IL1RAP: variants seen among roughly 807,000 people sequenced by gnomAD.
The protein encoded by IL1RAP is interleukin 1 receptor accessory protein.
IL1RAP carries 35 observed loss-of-function variants against 60.7 expected under a neutral mutation model. That is an observed-to-expected ratio of 0.58 (90% CI 0.44 to 0.76). The LOEUF is 0.76. Ranked by LOEUF, IL1RAP falls within the 30% of genes least tolerant of loss-of-function variation. IL1RAP has a pLI of 0.00. For synonymous variants in IL1RAP, 268 were observed against 250.9 expected, an observed-to-expected ratio of 1.07 and a Z score of -0.64; for missense variants, 572 against 693.9, an observed-to-expected ratio of 0.82 and a Z score of 1.97.
At chr3:190,571,775 C>A (rs950322136) in intron 3 of IL1RAP, among the ~76,000 whole-genome samples, 1 of 152,150 alleles carries the variant, frequency 6.6e-6, no homozygotes, top group East Asian at 1.9e-4. Context: ...ACATGAAGCC[C>A]AAAACGGCCT....
At chr3:190,632,437 G>C (rs1483704609) in intron 9 of IL1RAP, among the ~76,000 whole-genome samples, 1 of 152,078 alleles carries the variant, frequency 6.6e-6, no homozygotes, top group Non-Finnish European at 1.5e-5. Context: ...GCTCATTTTT[G>C]TTACTGGTCA....
At chr3:190,572,861 T>TAATCAGGATAC (rs1560179410) in intron 3 of IL1RAP, among the ~76,000 whole-genome samples, 8 of 35,610 alleles carry the variant, frequency 2.2e-4, no homozygotes, top group South Asian at 9.3e-4. Flanking sequence ...AATGCTTTGT[T>TAATCAGGATAC]TTTTTTTTTT....
At chr3:190,544,002 A>G (rs1296442115) in intron 1 of IL1RAP, among the ~76,000 whole-genome samples, 1 of 152,196 alleles carries the variant, frequency 6.6e-6, no homozygotes, top group Non-Finnish European at 1.5e-5. Flanking sequence ...AGGAGATTTC[A>G]GGCTGTTTTT....
At chr3:190,656,183 G>A (rs1214276719), downstream of IL1RAP, 1 of 1,537,294 alleles carries the variant, frequency 6.5e-7, no homozygotes, top group South Asian at 1.2e-5. Flanking sequence ...CTTCCCCTGA[G>A]AAGTCTGAGT....
downstream of IL1RAP, chr3:190,656,251 G>T (rs553780114): frequency 6.5e-6 from 10 of 1,537,202 alleles, no homozygotes; most frequent in African/African-American, 1.1e-4. Context: ...TCTGGATCAC[G>T]TTCAAAGGAG....
In IL1RAP at chr3:190,560,261, G is replaced by A. The variant is rs569346030; in HGVS notation, c.-1-4028G>A. Among the ~76,000 whole-genome samples the A allele has an allele frequency of 7.9e-5, 12 of 152,346 alleles. No individual in the cohort carries two copies. In the South Asian group the frequency reaches 2.3e-3, roughly 29 times the overall value. ...TAGGGCAGGATTGGGACTCAAGGAA[G>A]TGATTTGACTACAGGGTTGACCTTT... On this transcript the variant is annotated intron_variant, in intron 2 of 11. Coordinates refer to ENST00000447382, the MANE Select transcript of IL1RAP (RefSeq NM_002182.4).
intron 9 of IL1RAP, among the ~76,000 whole-genome samples, chr3:190,637,518 C>G (rs1209288808): frequency 2.0e-5 from 3 of 152,062 alleles, no homozygotes; most frequent in Non-Finnish European, 2.9e-5. Flanking sequence ...ATCTTATTTT[C>G]TGATACATTT....
chr3:190,642,946 A>G (rs1733764615), intron 9 of IL1RAP, among the ~76,000 whole-genome samples: 1 of 152,248 alleles, frequency 6.6e-6, no homozygotes, highest in Non-Finnish European at 1.5e-5. Flanking sequence ...AAGCTAATAA[A>G]GCAACTAAAT....
At chr3:190,593,074 C>G (rs549290875) in intron 3 of IL1RAP, among the ~76,000 whole-genome samples, 2 of 152,122 alleles carry the variant, frequency 1.3e-5, no homozygotes, top group South Asian at 4.1e-4. Context: ...CCTCACCAAA[C>G]CCTTTTTTTT....
At chr3:190,595,162 C>A (rs972379802) in intron 3 of IL1RAP, among the ~76,000 whole-genome samples, 8 of 152,208 alleles carry the variant, frequency 5.3e-5, no homozygotes, top group Non-Finnish European at 1.0e-4. Flanking sequence ...AGAAGGTGAG[C>A]TCCGTGAGAC....
intron 5 of IL1RAP, among the ~76,000 whole-genome samples, chr3:190,619,195 A>AT (rs1413194522): frequency 3.9e-5 from 6 of 152,126 alleles, no homozygotes; most frequent in South Asian, 4.2e-4. Flanking sequence ...TAGTGTATTG[A>AT]TTTTTTTTCT....
downstream of IL1RAP, among the ~76,000 whole-genome samples, chr3:190,653,821 C>T (rs1734507893): frequency 6.6e-6 from 1 of 152,134 alleles, no homozygotes; most frequent in African/African-American, 2.4e-5. Context: ...AGCTCCTGTC[C>T]TCAAATATGA....
At chr3:190,639,497 G>C (rs534266819) in intron 9 of IL1RAP, among the ~76,000 whole-genome samples, 21 of 151,912 alleles carry the variant, frequency 1.4e-4, no homozygotes, top group Non-Finnish European at 2.1e-4. Context: ...TCTATTTGCT[G>C]TTCACAATGT....
intron 8 of IL1RAP, among the ~76,000 whole-genome samples, 164 bp downstream of exon 8, chr3:190,627,613 T>C (rs1200542736): frequency 6.6e-6 from 1 of 152,246 alleles, no homozygotes; most frequent in Non-Finnish European, 1.5e-5. Context: ...AAACCAGGGT[T>C]ACTGGGCTAG....
chr3:190,654,426 G>A (rs544652289), downstream of IL1RAP, among the ~76,000 whole-genome samples: 11 of 152,120 alleles, frequency 7.2e-5, no homozygotes, highest in South Asian at 2.1e-4. Flanking sequence ...GCACACACTC[G>A]TACACACAGA....
intron 6 of IL1RAP, among the ~76,000 whole-genome samples, chr3:190,622,916 G>T (rs1039966644): frequency 2.0e-5 from 3 of 152,136 alleles, no homozygotes; most frequent in African/African-American, 7.2e-5. Flanking sequence ...GGTCTTTCTG[G>T]CTACTAGCGC....
Position 190,650,566 on chromosome 3 carries a change from G to A in IL1RAP, c.*1861G>A, listed in dbSNP as rs1734333841. Reference sequence around the variant, plus strand: ...CCCTTATCCCGGTAACATGAATGTTGATGAACAAATGTAAAATTATATCCT... The same window carrying A: ...CCCTTATCCCGGTAACATGAATGTTAATGAACAAATGTAAAATTATATCCT... On this transcript the variant is annotated 3_prime_UTR_variant, in exon 12 of 12. Coordinates refer to ENST00000447382, the MANE Select transcript of IL1RAP (RefSeq NM_002182.4). The A allele has an allele frequency of 2.0e-5, 19 of 927,344 alleles. No individual in the cohort carries two copies. The highest frequency in any genetic ancestry group is 2.3e-5 in the Non-Finnish European group (18 of 777,102). 57.4% of individuals were successfully genotyped at this position (927,344 alleles called of 1,614,324 possible).
chr3:190,540,078 T>C (rs1723796910), intron 1 of IL1RAP, among the ~76,000 whole-genome samples: 1 of 152,056 alleles, frequency 6.6e-6, no homozygotes, highest in South Asian at 2.1e-4. Context: ...ATGAAGGAGG[T>C]AAGATGTTAC....
At chr3:190,589,748 A>C (rs1728782775) in intron 3 of IL1RAP, among the ~76,000 whole-genome samples, 1 of 152,204 alleles carries the variant, frequency 6.6e-6, no homozygotes, top group African/African-American at 2.4e-5. Flanking sequence ...TTATGGAATG[A>C]GTCTCTCTGA....
Sources: allele counts gnomAD v4.1 joint callset (sites outside exome capture counted in the v4.1 genomes callset), GRCh38; gene constraint gnomAD v4.1.1; transcripts MANE v1.5; gene names NCBI Gene and HGNC (gene_info 2026-07-23, HGNC 2026-07-21).